The following PCOLCE2 variants were observed in gnomAD, a reference collection of about 807,000 sequenced individuals.
PCOLCE2 encodes the protein procollagen C-proteinase enhancer 2.
Under a neutral mutation model 47.0 loss-of-function variants are expected in PCOLCE2, and 42 were observed. The ratio of observed to expected loss-of-function variants is 0.89; its 90% CI spans 0.70 to 1.16. PCOLCE2 has a LOEUF of 1.16. Ranked by LOEUF, PCOLCE2 falls within the 50% of genes most tolerant of loss-of-function variation. PCOLCE2 has a pLI of 0.00. For synonymous variants in PCOLCE2, 169 were observed against 191.7 expected (o/e 0.88, Z 0.98); for missense variants, 500 against 526.1 (o/e 0.95, Z 0.49).
intron 2 of PCOLCE2, among the ~76,000 whole-genome samples, chr3:142,873,023 T>C (rs1933424843): frequency 6.6e-6 from 1 of 152,346 alleles, no homozygotes; most frequent in East Asian, 1.9e-4. Flanking sequence ...CTATAAATGT[T>C]AGAATTATGA....
chr3:142,873,174 C>A (rs1458537092), intron 2 of PCOLCE2, among the ~76,000 whole-genome samples: 2 of 152,008 alleles, frequency 1.3e-5, no homozygotes, highest in East Asian at 3.9e-4. Context: ...AGCGGGATCA[C>A]CCTGAGGTCA....
Position 142,861,985 on chromosome 3 carries a change from G to T in PCOLCE2, c.193-13513C>A, listed in dbSNP as rs191302247. Among the ~76,000 whole-genome samples the T allele has an allele frequency of 5.8e-4, 88 of 152,322 alleles. 2 individuals are homozygous for T. Among genetic ancestry groups the T allele is most frequent in the Admixed American group, 5.8e-3 (88 of 15,302 alleles). On this transcript the variant is annotated intron_variant, in intron 2 of 8. Coordinates refer to ENST00000295992, the MANE Select transcript of PCOLCE2 (RefSeq NM_013363.4). ...GAGCAGGGAAAGAGGTGGGGCCGGG[G>T]TCTCACCATTCTAGTACACAGACTG...
intron 3 of PCOLCE2, among the ~76,000 whole-genome samples, chr3:142,845,812 T>C (rs1345144403): frequency 6.6e-6 from 1 of 152,106 alleles, no homozygotes; most frequent in African/African-American, 2.4e-5. Flanking sequence ...CCGTCTCTAC[T>C]AAAAATAGAA....
intron 2 of PCOLCE2, among the ~76,000 whole-genome samples, chr3:142,851,527 G>A (rs1315145556): frequency 6.6e-6 from 1 of 152,176 alleles, no homozygotes. Context: ...AAATCAGGAC[G>A]CTGTGGGGTG....
At chr3:142,852,335 G>A (rs548764600) in intron 2 of PCOLCE2, among the ~76,000 whole-genome samples, 9 of 152,118 alleles carry the variant, frequency 5.9e-5, no homozygotes, top group South Asian at 2.1e-4. Flanking sequence ...CATATTCTCC[G>A]AAGATGGCCT....
At chr3:142,846,297 A>C (rs1461142240) in intron 3 of PCOLCE2, among the ~76,000 whole-genome samples, 1 of 152,164 alleles carries the variant, frequency 6.6e-6, no homozygotes, top group Non-Finnish European at 1.5e-5. Flanking sequence ...CTGCAGGTTC[A>C]AGCGATTCTC....
chr3:142,848,268 C>G lies in PCOLCE2; in HGVS notation c.397G>C (p.Ala133Pro), dbSNP rs756414036. The G allele has an allele frequency of 6.8e-6, 11 of 1,614,096 alleles. No individual in the cohort carries two copies. In the Admixed American group the frequency reaches 1.3e-4, roughly 20 times the overall value. ...MVQMISDANT[A>P]GNGFMAMFSA... ...AACATGGCCATGAAGCCATTGCCAGCTGTGTTGGCATCAGAAATCATCTGC... is the reference window on the plus strand; with the variant it reads ...AACATGGCCATGAAGCCATTGCCAGGTGTGTTGGCATCAGAAATCATCTGC... Residue 133 changes from alanine to proline, a missense_variant, in exon 3 of 9, where the codon GCT becomes CCT. Ala to Pro is a conservative substitution (Grantham distance 27, BLOSUM62 -1). Coordinates refer to ENST00000295992, the MANE Select transcript of PCOLCE2 (RefSeq NM_013363.4).
intron 2 of PCOLCE2, among the ~76,000 whole-genome samples, chr3:142,870,021 T>C (rs911840232): frequency 6.6e-6 from 1 of 152,234 alleles, no homozygotes; most frequent in Non-Finnish European, 1.5e-5. Flanking sequence ...AAATTTACCA[T>C]GCTATCTTAA....
intron 6 of PCOLCE2, among the ~76,000 whole-genome samples, chr3:142,828,033 T>C (rs767816490): frequency 4.6e-5 from 7 of 152,190 alleles, no homozygotes; most frequent in Non-Finnish European, 7.3e-5. Context: ...TCTGAATTTG[T>C]GCCATAGCAC....
At chr3:142,861,102 C>A (rs920467) in intron 2 of PCOLCE2, among the ~76,000 whole-genome samples, 76,627 of 152,114 alleles carry the variant, frequency 0.5, 21,318 homozygotes, top group Non-Finnish European at 0.64. Context: ...CACTTGTCTG[C>A]CAGTTTGGCA....
intron 3 of PCOLCE2, among the ~76,000 whole-genome samples, chr3:142,847,536 T>C (rs1937340342): frequency 1.3e-5 from 2 of 152,098 alleles, no homozygotes; most frequent in Non-Finnish European, 2.9e-5. Flanking sequence ...TGTGTGTGTA[T>C]ATATATATTT....
intron 6 of PCOLCE2, 110 bp downstream of exon 6, chr3:142,829,582 C>A (rs1937122860): frequency 2.6e-6 from 2 of 767,954 alleles, no homozygotes; most frequent in South Asian, 5.3e-5. Flanking sequence ...AAGCTTTCAT[C>A]CTATTTAACT....
intron 5 of PCOLCE2, among the ~76,000 whole-genome samples, chr3:142,833,572 T>C (rs1937173933): frequency 1.3e-5 from 2 of 152,082 alleles, no homozygotes; most frequent in Non-Finnish European, 2.9e-5. Context: ...TAACACAATT[T>C]AAGAATTCTC....
At chr3:142,824,685 G>C (rs1218789066) in intron 6 of PCOLCE2, among the ~76,000 whole-genome samples, 1 of 152,140 alleles carries the variant, frequency 6.6e-6, no homozygotes, top group Non-Finnish European at 1.5e-5. Flanking sequence ...TGTCGCCCAG[G>C]CTGGAGTACA....
At chr3:142,862,740 T>G (rs1365564655) in intron 2 of PCOLCE2, among the ~76,000 whole-genome samples, 1 of 152,090 alleles carries the variant, frequency 6.6e-6, no homozygotes, top group Admixed American at 6.5e-5. Context: ...CTATCAAATA[T>G]CCAGAGAACT....
At chr3:142,864,980 T>C (rs1933254005) in intron 2 of PCOLCE2, among the ~76,000 whole-genome samples, 1 of 152,256 alleles carries the variant, frequency 6.6e-6, no homozygotes, top group South Asian at 2.1e-4. Flanking sequence ...CAAGTCTTTA[T>C]GTGGATGTAT....
Position 142,829,694 on chromosome 3 carries a change from G to A in PCOLCE2, c.863C>T (p.Thr288Met), listed in dbSNP as rs551242432. The A allele has an allele frequency of 4.9e-5, 77 of 1,566,090 alleles. No individual in the cohort carries two copies. The highest frequency in any genetic ancestry group is 8.2e-5 in the African/African-American group (6 of 73,486). ...AACTTCCAAACAGGAAAACTTACCC[G>A]TGGTTACAGGGAATGTGGTGGTGAC... ...QPVTTTFPVT[T>M]GLKPTVALCQ... Residue 288 changes from threonine (T) to methionine (M), a missense_variant and splice_region_variant, in exon 6 of 9, where the codon ACG (threonine) becomes ATG (methionine). Thr to Met is a moderately conservative substitution (Grantham distance 81, BLOSUM62 -1). Transcript: ENST00000295992.
At chr3:142,821,182 C>T in intron 7 of PCOLCE2, 137 bp from the exon 8 acceptor site, 2 of 662,000 alleles carry the variant, frequency 3.0e-6, no homozygotes, top group South Asian at 4.3e-5. Flanking sequence ...AGAGGTTTCA[C>T]ATTTGCTTCT....
At position 142,842,802 on chromosome 3, in the gene PCOLCE2, T is replaced by C. The variant is rs533265720; in HGVS notation, c.573+122A>G. On this transcript the variant is annotated intron_variant, in intron 4 of 8. Transcript: ENST00000295992. This position sits in a 1 kb window ranked among gnomAD's most constrained non-coding sequence, Gnocchi z 4.1. ...AAATACCTGTGTCCAGGAACCTTCCTCTTCTTGTATCCCTTAGCTCTCGAA... is the reference window on the plus strand; with the variant it reads ...AAATACCTGTGTCCAGGAACCTTCCCCTTCTTGTATCCCTTAGCTCTCGAA... 6.3e-5 allele frequency: 57 copies of C among 909,682 alleles called. 1 individual carries two copies. In the East Asian group the frequency reaches 1.3e-3, roughly 20 times the overall value. 56.4% of individuals were successfully genotyped at this position (909,682 alleles called of 1,614,324 possible). A position where few individuals can be genotyped will look rare whatever the true frequency, so the allele number is the denominator to read the frequency against.
Sources: gnomAD v4.1 joint callset for allele counts (sites outside exome capture counted in the v4.1 genomes callset) on GRCh38, gnomAD v4.1.1 for gene constraint, Gnocchi (gnomAD v3.1) non-coding constraint, MANE v1.5 for transcripts, NCBI Gene and HGNC (gene_info 2026-07-23, HGNC 2026-07-21) for gene names.